The following SLC22A2 variants were observed in gnomAD, a reference collection of about 807,000 sequenced individuals.
The protein encoded by SLC22A2 is organic cation transporter 2.
In SLC22A2, 46 loss-of-function variants were observed where a neutral mutation model predicts 60.5. That is an observed-to-expected ratio of 0.76 (90% CI 0.60 to 0.97). SLC22A2 has a LOEUF of 0.97. Ranked by LOEUF, SLC22A2 falls within the 50% of genes least tolerant of loss-of-function variation. The pLI is 0.00. For missense variants in SLC22A2, 701 were observed against 706.6 expected, an observed-to-expected ratio of 0.99 and a Z score of 0.09; for synonymous variants, 303 against 267.0, an observed-to-expected ratio of 1.13 and a Z score of -1.31.
At position 160,241,865 on chromosome 6, in the gene SLC22A2, A is replaced by G. The variant is rs553133062; in HGVS notation, c.1389-279T>C. Among the ~76,000 whole-genome samples the G allele has an allele frequency of 3.9e-5, 4 of 102,000 alleles. No individual in the cohort carries two copies. The Admixed American group carries it at 5.2e-4, about 13-fold the overall frequency. The allele number at this position is 102,000 out of a possible 152,430, so 66.9% of individuals were successfully genotyped here. On this transcript the variant is annotated intron_variant, in intron 8 of 10. Transcript: ENST00000366953. ...TAAAAAAACATTCACGTTATTTTCA[A>G]TGCACAATATTTTATATATATATAT...
Position 160,247,298 on chromosome 6 carries a change from C to T in SLC22A2, c.843G>A (p.Trp281Ter). 6.4e-7 allele frequency: 1 copy of T among 1,558,742 alleles called. No homozygotes were observed. The highest frequency in any genetic ancestry group is 8.9e-7 in the Non-Finnish European group (1 of 1,129,546). Reference sequence around the variant, plus strand: ...GCCACCTGGGAGACTCAGGTATGCACCTAGGGTACAAGGTGAGCGGAGGGC... The same window carrying T: ...GCCACCTGGGAGACTCAGGTATGCATCTAGGGTACAAGGTGAGCGGAGGGC... ...LPNFFFLLYY[W>*]CIPESPRWLI... The change falls in exon 5 of 11, where the codon TGG becomes TGA. Residue 281 changes from tryptophan to a stop codon, truncating the protein, a stop_gained and splice_region_variant. Transcript: ENST00000366953. LOFTEE classifies it high-confidence loss of function.
chr6:160,225,893 T>G (rs981992263), intron 9 of SLC22A2, among the ~76,000 whole-genome samples: 1 of 152,184 alleles, frequency 6.6e-6, no homozygotes, highest in Non-Finnish European at 1.5e-5. Flanking sequence ...TTCTTGGGTA[T>G]AGGCTGAACT....
chr6:160,238,902 G>A (rs1251696082), intron 9 of SLC22A2, among the ~76,000 whole-genome samples: 3 of 152,174 alleles, frequency 2.0e-5, no homozygotes, highest in Non-Finnish European at 2.9e-5. Flanking sequence ...GTTTGAACCA[G>A]AGTGACTCTG....
chr6:160,242,747 T>C (rs927872980), intron 7 of SLC22A2, among the ~76,000 whole-genome samples: 8 of 149,796 alleles, frequency 5.3e-5, no homozygotes, highest in Non-Finnish European at 1.2e-4. Flanking sequence ...CTCCACAGAG[T>C]GGTATGTTTG....
intron 2 of SLC22A2, among the ~76,000 whole-genome samples, chr6:160,253,453 T>C (rs749262369): frequency 6.6e-6 from 1 of 152,140 alleles, no homozygotes; most frequent in Non-Finnish European, 1.5e-5. Flanking sequence ...CTGGTGGTCA[T>C]GTCTTATGGA....
chr6:160,217,829 A>G (rs1782566070), intron 10 of SLC22A2: 1 of 184,554 alleles, frequency 5.4e-6, no homozygotes, highest in African/African-American at 2.3e-5. Context: ...TGAAGATTGC[A>G]AAATCTTGTT....
chr6:160,255,735 C>G (rs550580900), intron 2 of SLC22A2, among the ~76,000 whole-genome samples: 6 of 152,234 alleles, frequency 3.9e-5, no homozygotes, highest in African/African-American at 1.4e-4. Context: ...ACTCAATAAA[C>G]GGTGTTATGA....
chr6:160,226,455 A>T (rs1278662422), intron 9 of SLC22A2, among the ~76,000 whole-genome samples: 1 of 152,238 alleles, frequency 6.6e-6, no homozygotes, highest in African/African-American at 2.4e-5. Flanking sequence ...TTGGGTGGTT[A>T]CAAAATCACC....
At chr6:160,217,535 AATT>A (rs1562428047) in intron 10 of SLC22A2, 37 bp from the exon 11 acceptor site, 1 of 1,172,276 alleles carries the variant, frequency 8.5e-7, no homozygotes, top group Admixed American at 1.8e-5. Context: ...GGGAGAAAGA[AATT>A]ATGAGGAGGC....
chr6:160,236,401 A>G (rs1480022267), intron 9 of SLC22A2, among the ~76,000 whole-genome samples: 1 of 152,182 alleles, frequency 6.6e-6, no homozygotes, highest in Non-Finnish European at 1.5e-5. Flanking sequence ...TTGAGCTATT[A>G]GTATTTACAG....
intron 7 of SLC22A2, among the ~76,000 whole-genome samples, chr6:160,243,071 G>A (rs1259642678): frequency 6.6e-6 from 1 of 152,096 alleles, no homozygotes; most frequent in Non-Finnish European, 1.5e-5. Context: ...GGATTCAAAC[G>A]AAGCTCCATA....
At position 160,249,308 on chromosome 6, in the gene SLC22A2, C is replaced by G; in HGVS notation, c.750G>C (p.Leu250=). 1 of 1,613,504 alleles carries G rather than the reference C, an allele frequency of 6.2e-7. No individual in the cohort carries two copies. Among genetic ancestry groups the G allele is most frequent in the Non-Finnish European group, 8.5e-7 (1 of 1,179,532 alleles). ...GTGCGTAAGCCACCCCAGCTAGCAC[C>G]AGGAGCCCAACTGTATAGGCAACTT... ...FYQVAYTVGL[L]VLAGVAYALP... is the part of the protein sequence containing the mutation. The change falls in exon 4 of 11, where the codon CTG becomes CTC. Residue 250 remains leucine, a synonymous_variant. Coordinates refer to ENST00000366953, the MANE Select transcript of SLC22A2 (RefSeq NM_003058.4).
intron 10 of SLC22A2, 55 bp from the exon 11 acceptor site, chr6:160,217,553 A>C (rs950842789): frequency 1.1e-6 from 1 of 918,482 alleles, no homozygotes; most frequent in African/African-American, 1.6e-5. Context: ...GGAGGCTGAA[A>C]ACCAAAATAA....
chr6:160,230,802 C>A (rs1370121348), intron 9 of SLC22A2, among the ~76,000 whole-genome samples: 1 of 111,242 alleles, frequency 9.0e-6, no homozygotes, highest in South Asian at 3.5e-4. Context: ...CCAAGGAATG[C>A]CTGCAGCCTG....
At position 160,258,555 on chromosome 6, in the gene SLC22A2, G is replaced by A. The variant is rs751773139; in HGVS notation, c.203C>T (p.Ala68Val). ...ELSLRCGWSPAEELNYTVPGP... is the reference protein window; with the variant it reads ...ELSLRCGWSPVEELNYTVPGP... Reference sequence around the variant, plus strand: ...CGGCACCGTGTAGTTCAGTTCCTCTGCAGGACTCCAGCCGCAGCGCAGACT... The same window carrying A: ...CGGCACCGTGTAGTTCAGTTCCTCTACAGGACTCCAGCCGCAGCGCAGACT... Residue 68 changes from alanine to valine, a missense_variant, in exon 1 of 11, where the codon GCA becomes GTA. Ala to Val is a moderately conservative substitution (Grantham distance 64). Transcript: ENST00000366953. 1 of 1,613,922 alleles carries A rather than the reference G, an allele frequency of 6.2e-7. No individual in the cohort carries two copies. Among genetic ancestry groups the A allele is most frequent in the Non-Finnish European group, 8.5e-7 (1 of 1,179,890 alleles).
chr6:160,229,505 G>C (rs1028302208), intron 9 of SLC22A2, among the ~76,000 whole-genome samples: 1 of 151,776 alleles, frequency 6.6e-6, no homozygotes. Flanking sequence ...AGTGAATTGC[G>C]GGGGCGCCTG....
intron 9 of SLC22A2, among the ~76,000 whole-genome samples, chr6:160,227,341 C>T (rs1388433933): frequency 3.3e-5 from 5 of 152,214 alleles, no homozygotes; most frequent in South Asian, 4.1e-4. Flanking sequence ...TCCGGACCTT[C>T]AGATAATAAC....
In SLC22A2 at chr6:160,250,625, G is replaced by A. The variant is rs201919874; in HGVS notation, c.596C>T (p.Thr199Ile). ...GCGAAAAATTAACATCCACGTATAG[G>A]TTGGGGAAATGGCCATGAGAACTCC... Reference protein sequence around the residue: ...AAGVLMAISPTYTWMLIFRLI... With the variant: ...AAGVLMAISPIYTWMLIFRLI... The change falls in exon 3 of 11, where the codon ACC (threonine) becomes ATC (isoleucine). Residue 199 changes from threonine to isoleucine, a missense_variant. Coordinates refer to ENST00000366953, the MANE Select transcript of SLC22A2 (RefSeq NM_003058.4). 8.8e-5 allele frequency: 142 copies of A among 1,614,028 alleles called. 1 individual carries two copies. The East Asian group carries it at 3.1e-3, about 35-fold the overall frequency.
chr6:160,232,336 C>G (rs1343794389), intron 9 of SLC22A2, among the ~76,000 whole-genome samples: 1 of 151,886 alleles, frequency 6.6e-6, no homozygotes, highest in Non-Finnish European at 1.5e-5. Context: ...CGCCACACAC[C>G]AGCAAAGGCA....
Sources: gnomAD v4.1 joint callset for allele counts (sites outside exome capture counted in the v4.1 genomes callset) on GRCh38, gnomAD v4.1.1 for gene constraint, MANE v1.5 for transcripts, NCBI Gene and HGNC (gene_info 2026-07-23, HGNC 2026-07-21) for gene names.